The following SVOPL variants were observed in gnomAD, a reference collection of about 807,000 sequenced individuals.
The protein encoded by SVOPL is SVOP like.
Under a neutral mutation model 61.0 loss-of-function variants are expected in SVOPL, and 60 were observed. The ratio of observed to expected loss-of-function variants is 0.98; its 90% CI spans 0.80 to 1.22. The LOEUF is 1.22. Ranked by LOEUF, SVOPL falls within the 50% of genes most tolerant of loss-of-function variation. The pLI, the probability that SVOPL is intolerant of heterozygous loss-of-function variation, is 0.00. For missense variants in SVOPL, 662 were observed against 643.9 expected, an observed-to-expected ratio of 1.03 and a Z score of -0.30; for synonymous variants, 279 against 250.0, an observed-to-expected ratio of 1.12 and a Z score of -1.09.
intron 4 of SVOPL, among the ~76,000 whole-genome samples, chr7:138,669,208 T>C (rs1802353485): frequency 6.6e-6 from 1 of 152,098 alleles, no homozygotes; most frequent in Non-Finnish European, 1.5e-5. Context: ...CCCAACACTT[T>C]GAGAGGCCTA....
chr7:138,597,973 G>A (rs1157706272), intron 14 of SVOPL, among the ~76,000 whole-genome samples: 3 of 152,106 alleles, frequency 2.0e-5, no homozygotes, highest in African/African-American at 7.2e-5. Context: ...AACTGCCTAG[G>A]CTTTTTGCCT....
At chr7:138,676,602 C>A (rs958234548) in intron 3 of SVOPL, among the ~76,000 whole-genome samples, 2 of 152,150 alleles carry the variant, frequency 1.3e-5, no homozygotes, top group African/African-American at 2.4e-5. Flanking sequence ...GGGACACATT[C>A]AAACCCTAGC....
intron 13 of SVOPL, among the ~76,000 whole-genome samples, chr7:138,624,709 T>A (rs1616470): frequency 8.5e-4 from 128 of 150,530 alleles, no homozygotes; most frequent in Middle Eastern, 3.5e-3. Flanking sequence ...TTTTTTTTTT[T>A]AATTTAGAGA....
intron 7 of SVOPL, among the ~76,000 whole-genome samples, chr7:138,651,934 C>T (rs1801458847): frequency 6.6e-6 from 1 of 152,160 alleles, no homozygotes; most frequent in African/African-American, 2.4e-5. Flanking sequence ...GGGTCTCGCT[C>T]TGTTGCCCAG....
intron 5 of SVOPL, chr7:138,661,055 T>C (rs905032341): frequency 1.7e-5 from 17 of 984,826 alleles, no homozygotes; most frequent in African/African-American, 7.0e-5. Flanking sequence ...TTTTTTGAGA[T>C]ACTCGTGTTT....
chr7:138,594,628 G>T lies in SVOPL; in HGVS notation c.1468-7C>A. On this transcript the variant is annotated splice_polypyrimidine_tract_variant and splice_region_variant and intron_variant, in intron 15 of 15. Transcript: ENST00000674285. ...CAGGTCTTCATTTAATTTGCTGGAA[G>T]AAAGTTATTTAATAGATCAGTAATA... is the stretch of plus-strand genomic sequence containing the variant. 1.3e-6 allele frequency: 2 copies of T among 1,594,026 alleles called. No individual in the cohort carries two copies. The highest frequency in any genetic ancestry group is 1.7e-6 in the Non-Finnish European group (2 of 1,169,862).
intron 14 of SVOPL, among the ~76,000 whole-genome samples, chr7:138,604,835 G>A (rs998550434): frequency 6.6e-6 from 1 of 151,934 alleles, no homozygotes; most frequent in African/African-American, 2.4e-5. Flanking sequence ...AGAAACAAAT[G>A]GGGTTGATAA....
At chr7:138,683,492 C>T (rs537250487) in intron 1 of SVOPL, among the ~76,000 whole-genome samples, 6 of 152,062 alleles carry the variant, frequency 3.9e-5, no homozygotes, top group African/African-American at 1.4e-4. Flanking sequence ...CTCAGCCTCC[C>T]GAGTAGCTGG....
chr7:138,699,815 C>G (rs551252459), intron 1 of SVOPL, among the ~76,000 whole-genome samples: 1 of 152,308 alleles, frequency 6.6e-6, no homozygotes, highest in East Asian at 1.9e-4. Context: ...GAACAGCGTT[C>G]AGTGCCCGTC....
chr7:138,621,660 C>A (rs924819242), intron 13 of SVOPL, among the ~76,000 whole-genome samples: 3 of 152,140 alleles, frequency 2.0e-5, no homozygotes, highest in African/African-American at 4.8e-5. Context: ...TGGCCTCAAG[C>A]AATCCACCCA....
At chr7:138,641,579 G>A (rs925198961) in intron 9 of SVOPL, among the ~76,000 whole-genome samples, 2 of 148,128 alleles carry the variant, frequency 1.4e-5, no homozygotes, top group African/African-American at 5.0e-5. Flanking sequence ...GCTGAGACTG[G>A]AGAATCGCTT....
At chr7:138,695,366 A>G (rs942774683) in intron 1 of SVOPL, among the ~76,000 whole-genome samples, 5 of 152,088 alleles carry the variant, frequency 3.3e-5, no homozygotes, top group Admixed American at 6.6e-5. Context: ...ACAGAAATTC[A>G]GTGGGTGTGG....
intron 13 of SVOPL, among the ~76,000 whole-genome samples, chr7:138,625,572 G>A (rs2116900687): frequency 6.6e-6 from 1 of 152,258 alleles, no homozygotes; most frequent in South Asian, 2.1e-4. Context: ...TAAGCTACAT[G>A]CAGCAAATAA....
At chr7:138,684,578 T>C (rs1802764763) in intron 1 of SVOPL, among the ~76,000 whole-genome samples, 1 of 152,170 alleles carries the variant, frequency 6.6e-6, no homozygotes, top group Non-Finnish European at 1.5e-5. Context: ...TACCTCATAC[T>C]TGTTAGGACG....
At chr7:138,681,959 C>G (rs1802709731) in intron 1 of SVOPL, among the ~76,000 whole-genome samples, 1 of 152,088 alleles carries the variant, frequency 6.6e-6, no homozygotes, top group Non-Finnish European at 1.5e-5. Flanking sequence ...ACAGTAATAC[C>G]ATAATGAAGA....
intron 1 of SVOPL, among the ~76,000 whole-genome samples, chr7:138,692,492 T>C (rs1472997471): frequency 6.6e-6 from 1 of 152,130 alleles, no homozygotes; most frequent in African/African-American, 2.4e-5. Context: ...CAGTTTCAGA[T>C]TGCCATTTCT....
intron 1 of SVOPL, among the ~76,000 whole-genome samples, chr7:138,700,080 G>A (rs893522720): frequency 2.0e-5 from 3 of 152,130 alleles, no homozygotes; most frequent in Admixed American, 2.0e-4. Flanking sequence ...TCTGTACCTT[G>A]GAAAGGGGCT....
chr7:138,614,733 A>T (rs760439078), intron 14 of SVOPL, among the ~76,000 whole-genome samples: 2 of 152,134 alleles, frequency 1.3e-5, no homozygotes, highest in Non-Finnish European at 2.9e-5. Flanking sequence ...GGTTGAAGGG[A>T]CGAGGCTGGA....
intron 7 of SVOPL, among the ~76,000 whole-genome samples, chr7:138,655,781 T>G (rs1170282503): frequency 6.6e-6 from 1 of 151,720 alleles, no homozygotes; most frequent in Non-Finnish European, 1.5e-5. Context: ...TATATTCTTA[T>G]GGATAAGCAA....
Sources: gnomAD v4.1 joint callset for allele counts (sites outside exome capture counted in the v4.1 genomes callset) on GRCh38, gnomAD v4.1.1 for gene constraint, MANE v1.5 for transcripts, NCBI Gene and HGNC (gene_info 2026-07-23, HGNC 2026-07-21) for gene names.